Variants in CLCN5 observed in about 807,000 individuals in gnomAD.
CLCN5 encodes the protein H(+)/Cl(-) exchange transporter 5.
In CLCN5, 17 loss-of-function variants were observed where a neutral mutation model predicts 54.0. That is an observed-to-expected ratio of 0.31 (90% CI 0.22 to 0.47). The LOEUF (loss-of-function observed/expected upper bound fraction) is 0.47, where lower values mean the gene tolerates loss of function less well. Among genes scored for constraint, CLCN5 ranks in the 20% least tolerant of loss-of-function variants. The pLI is 1.00. For missense variants in CLCN5, 448 were observed against 646.7 expected (o/e 0.69, Z 3.33); for synonymous variants, 222 against 233.0 (o/e 0.95, Z 0.43).
intron 3 of CLCN5, among the ~76,000 whole-genome samples, chrX:49,938,532 A>G (rs1193342877): frequency 1.7e-4 from 19 of 111,813 alleles, no homozygotes; most frequent in Non-Finnish European, 3.2e-4. Context: ...AAAACAAGCA[A>G]TGGGGAAAGG....
chrX:50,040,946 A>C (rs924655497), intron 3 of CLCN5, among the ~76,000 whole-genome samples: 3 of 112,260 alleles, frequency 2.7e-5, no homozygotes, highest in Non-Finnish European at 3.8e-5. Context: ...CAACAACACT[A>C]ACTGGGCAAG....
chrX:50,025,790 C>T (rs1487615824), intron 3 of CLCN5, among the ~76,000 whole-genome samples: 2 of 111,179 alleles, frequency 1.8e-5, no homozygotes, highest in Admixed American at 9.5e-5. Flanking sequence ...CTTAACCGGG[C>T]TAGAGGTTTA....
intron 3 of CLCN5, among the ~76,000 whole-genome samples, chrX:50,026,314 G>A (rs1168440068): frequency 1.8e-5 from 2 of 111,641 alleles, no homozygotes; most frequent in East Asian, 5.6e-4. Context: ...TGAATGTTCT[G>A]TGTGAGCTTG....
intron 4 of CLCN5, among the ~76,000 whole-genome samples, chrX:50,058,785 T>C (rs1348820788): frequency 4.5e-5 from 5 of 111,771 alleles, no homozygotes; most frequent in Admixed American, 3.8e-4. Flanking sequence ...AGTTATTTTA[T>C]ATATAACATT....
chrX:50,071,723 T>C (rs1933229982), intron 5 of CLCN5, among the ~76,000 whole-genome samples: 1 of 112,244 alleles, frequency 8.9e-6, no homozygotes, highest in Non-Finnish European at 1.9e-5. Context: ...AAAATGCTTT[T>C]GAAATTCTCA....
At chrX:49,985,985 A>G (rs1450509527) in intron 3 of CLCN5, among the ~76,000 whole-genome samples, 2 of 111,896 alleles carry the variant, frequency 1.8e-5, no homozygotes, top group Non-Finnish European at 3.8e-5. Context: ...AATTTGAGGG[A>G]TGATTTAATG....
chrX:50,006,956 A>G (rs1167884488), intron 3 of CLCN5, among the ~76,000 whole-genome samples: 3 of 111,207 alleles, frequency 2.7e-5, no homozygotes, highest in Non-Finnish European at 5.7e-5. Context: ...AATTTACTTT[A>G]GTTCCCACCC....
At chrX:49,934,945 C>G (rs1420955268) in intron 3 of CLCN5, among the ~76,000 whole-genome samples, 1 of 111,881 alleles carries the variant, frequency 8.9e-6, no homozygotes, top group African/African-American at 3.3e-5. Flanking sequence ...CCACCTGTGA[C>G]TCAGCACTGA....
chrX:50,055,144 C>T (rs1480890890), intron 4 of CLCN5, among the ~76,000 whole-genome samples: 1 of 111,679 alleles, frequency 9.0e-6, no homozygotes, highest in East Asian at 2.8e-4. Flanking sequence ...GCCAGTAGAA[C>T]ATTCTCAGTT....
At chrX:49,923,379 C>G (rs1244415384) in intron 1 of CLCN5, 28 bp from the exon 2 acceptor site, 1 of 112,953 alleles carries the variant, frequency 8.9e-6, no homozygotes, top group Non-Finnish European at 1.9e-5. Flanking sequence ...TTTACATTGA[C>G]GCACGTTTCC....
chrX:50,025,445 C>G (rs7055195), intron 3 of CLCN5, among the ~76,000 whole-genome samples: 7,371 of 106,005 alleles, frequency 0.07, 731 homozygotes, highest in African/African-American at 0.25. Flanking sequence ...TCTTCTGCGT[C>G]GCTCACGCTG....
chrX:49,992,651 A>C (rs1366081591), intron 3 of CLCN5, among the ~76,000 whole-genome samples: 2 of 111,795 alleles, frequency 1.8e-5, no homozygotes, highest in African/African-American at 6.5e-5. Context: ...AGTGTTCGGC[A>C]TGTTGTTTTC....
At position 50,063,715 on chromosome X, in the gene CLCN5, A is replaced by T. The variant is rs782010607; in HGVS notation, c.164-6164A>T. On this transcript the variant is annotated intron_variant, in intron 4 of 14. Transcript: ENST00000376091. ...GGCAGAGACACAACCAAAAAAGAGAATTTTAGACCAATATCCTTGATGAAC... is the reference window on the plus strand; with the variant it reads ...GGCAGAGACACAACCAAAAAAGAGATTTTTAGACCAATATCCTTGATGAAC... 6.7e-3 allele frequency among the ~76,000 whole-genome samples: 735 copies of T among 109,464 alleles called. 11 individuals carry two copies. Among genetic ancestry groups the T allele is most frequent in the African/African-American group, 0.024 (713 of 29,648 alleles).
chrX:50,022,935 GA>G (rs1204700467), intron 3 of CLCN5, among the ~76,000 whole-genome samples: 2 of 83,156 alleles, frequency 2.4e-5, no homozygotes, highest in African/African-American at 1.3e-4. Flanking sequence ...GTGTGGTGCT[GA>G]AAAAAATGTA....
rs782294213 is a variant in CLCN5 at position 49,925,277 on chromosome X, C to T, written c.-22C>T. The T allele has an allele frequency of 1.7e-5, 20 of 1,207,177 alleles. No individual in the cohort carries two copies. Among genetic ancestry groups the T allele is most frequent in the East Asian group, 5.9e-5 (2 of 33,755 alleles). The stretch of plus-strand genomic sequence containing the variant: ...TGGGAAACTCAGCCTGTGACCCCAG[C>T]GTGGGTGAAGATAGGATCAAGATGG... On this transcript the variant is annotated 5_prime_UTR_variant, in exon 3 of 15. Transcript: ENST00000376091.
intron 3 of CLCN5, among the ~76,000 whole-genome samples, chrX:50,025,445 C>A (rs7055195): frequency 9.4e-6 from 1 of 106,017 alleles, no homozygotes; most frequent in Non-Finnish European, 1.9e-5. Flanking sequence ...TCTTCTGCGT[C>A]GCTCACGCTG....
At chrX:49,940,663 T>C (rs957061100) in intron 3 of CLCN5, among the ~76,000 whole-genome samples, 1 of 112,202 alleles carries the variant, frequency 8.9e-6, no homozygotes, top group African/African-American at 3.2e-5. Flanking sequence ...AGAAAGAATA[T>C]AGCATTTTGG....
intron 3 of CLCN5, among the ~76,000 whole-genome samples, chrX:49,932,204 T>C: frequency 8.9e-6 from 1 of 111,825 alleles, no homozygotes; most frequent in Non-Finnish European, 1.9e-5. Flanking sequence ...GCATGAGCCA[T>C]CATGCCTGGA....
At chrX:50,045,901 T>C (rs1315526145) in intron 4 of CLCN5, among the ~76,000 whole-genome samples, 2 of 112,361 alleles carry the variant, frequency 1.8e-5, no homozygotes, top group East Asian at 5.6e-4. Context: ...ACAATGTCCT[T>C]GATATTCAGA....
Sources: gnomAD v4.1 joint callset for allele counts (sites outside exome capture counted in the v4.1 genomes callset) on GRCh38, gnomAD v4.1.1 for gene constraint, MANE v1.5 for transcripts, NCBI Gene and HGNC (gene_info 2026-07-23, HGNC 2026-07-21) for gene names.